TXNDC16: variants seen among roughly 807,000 people sequenced by gnomAD.
TXNDC16 encodes the protein thioredoxin domain containing 16.
In TXNDC16, 74 loss-of-function variants were observed where a neutral mutation model predicts 85.6. That is an observed-to-expected ratio of 0.86 (90% CI 0.72 to 1.05). The LOEUF (loss-of-function observed/expected upper bound fraction) is 1.05, where lower values mean the gene tolerates loss of function less well. TXNDC16 is among the 50% of genes least tolerant of loss of function. TXNDC16 has a pLI of 0.00. For synonymous variants in TXNDC16, 335 were observed against 326.5 expected, an observed-to-expected ratio of 1.03 and a Z score of -0.28; for missense variants, 959 against 947.0, an observed-to-expected ratio of 1.01 and a Z score of -0.17.
intron 9 of TXNDC16, among the ~76,000 whole-genome samples, chr14:52,505,736 A>G (rs1171735402): frequency 6.6e-6 from 1 of 152,154 alleles, no homozygotes; most frequent in African/African-American, 2.4e-5. Flanking sequence ...AGCAGAACTG[A>G]AGGAGAGAGA....
chr14:52,542,480 T>C, intron 3 of TXNDC16, 27 bp from the exon 4 acceptor site: 1 of 1,529,896 alleles, frequency 6.5e-7, no homozygotes, highest in African/African-American at 1.4e-5. Context: ...TTCATGAATG[T>C]TTATGAATTG....
chr14:52,493,193 CTA>C (rs555994196), intron 9 of TXNDC16, among the ~76,000 whole-genome samples: 2,235 of 126,026 alleles, frequency 0.018, 63 homozygotes, highest in Admixed American at 0.037. Flanking sequence ...TGTCACTGTT[CTA>C]TATATATATA....
intron 9 of TXNDC16, among the ~76,000 whole-genome samples, chr14:52,507,799 A>C (rs1566567793): frequency 1.3e-5 from 2 of 152,258 alleles, no homozygotes; most frequent in South Asian, 4.1e-4. Context: ...ATGTGACAAA[A>C]ACAAGAAATT....
At chr14:52,488,218 T>C in intron 12 of TXNDC16, 145 bp downstream of exon 12, 2 of 938,976 alleles carry the variant, frequency 2.1e-6, no homozygotes, top group Admixed American at 2.6e-5. Context: ...CTTGATAAAA[T>C]GTGGTTCCAA....
intron 7 of TXNDC16, among the ~76,000 whole-genome samples, chr14:52,516,319 T>G (rs533561623): frequency 4.6e-5 from 7 of 152,342 alleles, no homozygotes; most frequent in Admixed American, 3.3e-4. Flanking sequence ...TGAAAGCATC[T>G]TAATTTTATT....
At chr14:52,506,289 C>A (rs1308988437) in intron 9 of TXNDC16, among the ~76,000 whole-genome samples, 2 of 152,256 alleles carry the variant, frequency 1.3e-5, no homozygotes, top group South Asian at 2.1e-4. Flanking sequence ...AATTTTAGAC[C>A]AGTATCCCTG....
At position 52,475,060 on chromosome 14, in the gene TXNDC16, G is replaced by A. The variant is rs564685535; in HGVS notation, c.1313-4380C>T. 1.2e-4 allele frequency among the ~76,000 whole-genome samples: 19 copies of A among 152,270 alleles called. 1 individual carries two copies. The highest frequency in any genetic ancestry group is 3.9e-4 in the African/African-American group (16 of 41,552). On this transcript the variant is annotated intron_variant, in intron 14 of 20. Coordinates refer to ENST00000281741, the MANE Select transcript of TXNDC16 (RefSeq NM_020784.3). Reference sequence around the variant, plus strand: ...ACACCCCACCACCGGGGAACCTAAAGGTCTAGATTACGGGAGAAGATTCTG... The same window carrying A: ...ACACCCCACCACCGGGGAACCTAAAAGTCTAGATTACGGGAGAAGATTCTG...
chr14:52,455,974 G>T (rs899490088), intron 17 of TXNDC16, among the ~76,000 whole-genome samples: 1 of 152,122 alleles, frequency 6.6e-6, no homozygotes, highest in Non-Finnish European at 1.5e-5. Flanking sequence ...TTCAAATGAG[G>T]TGTCCCTGAC....
At chr14:52,511,558 A>G (rs1204159472) in intron 8 of TXNDC16, among the ~76,000 whole-genome samples, 168 bp from the exon 9 acceptor site, 1 of 152,174 alleles carries the variant, frequency 6.6e-6, no homozygotes, top group Non-Finnish European at 1.5e-5. Flanking sequence ...CAAAGAAGAT[A>G]TAGAATATTA....
intron 16 of TXNDC16, among the ~76,000 whole-genome samples, chr14:52,466,537 A>C (rs750658389): frequency 2.8e-4 from 43 of 151,946 alleles, no homozygotes; most frequent in Middle Eastern, 3.2e-3. Flanking sequence ...CCTGGAGAAA[A>C]TACAAGCAAA....
intron 6 of TXNDC16, among the ~76,000 whole-genome samples, chr14:52,524,006 A>AT (rs1221364974): frequency 6.6e-6 from 1 of 152,220 alleles, no homozygotes. Context: ...AAGAAAAGCA[A>AT]TTTTTTCTTA....
chr14:52,479,482 A>G (rs1254211931), intron 14 of TXNDC16, among the ~76,000 whole-genome samples: 2 of 152,150 alleles, frequency 1.3e-5, no homozygotes, highest in African/African-American at 4.8e-5. Flanking sequence ...ATACAGAATC[A>G]ATGTACACAA....
At position 52,442,188 on chromosome 14, in the gene TXNDC16, A is replaced by C. The variant is rs1220703238; in HGVS notation, c.1843-1464T>G. Among the ~76,000 whole-genome samples the C allele has an allele frequency of 3.3e-5, 5 of 152,236 alleles. No homozygotes were observed. The South Asian group carries it at 1.0e-3, about 31-fold the overall frequency. On this transcript the variant is annotated intron_variant, in intron 18 of 20. Coordinates refer to ENST00000281741, the MANE Select transcript of TXNDC16 (RefSeq NM_020784.3). ...CAATGCTAATATATTTAGGATTAAA[A>C]ATAGCAATGACATAGAATAATAAAA...
At chr14:52,508,851 G>A (rs1246256765) in intron 9 of TXNDC16, among the ~76,000 whole-genome samples, 1 of 151,362 alleles carries the variant, frequency 6.6e-6, no homozygotes, top group African/African-American at 2.4e-5. Flanking sequence ...CTTACTTATT[G>A]ACAAAAGAAC....
chr14:52,511,290 T>C lies in TXNDC16; in HGVS notation c.706A>G (p.Thr236Ala). 1 of 1,606,486 alleles carries C rather than the reference T, an allele frequency of 6.2e-7. No individual in the cohort carries two copies. The highest frequency in any genetic ancestry group is 8.5e-7 in the Non-Finnish European group (1 of 1,174,940). ...CRRTLMEQPL[T>A]TLNIHLFIKT... ...ATAAACAGGTGAATGTTCAGTGTAG[T>C]CAATGGCTGTTCCATTAGTGTTCTT... The change falls in exon 9 of 21, where the codon ACT (threonine) becomes GCT (alanine). Residue 236 changes from threonine to alanine, a missense_variant. Physicochemically the swap from Thr to Ala is moderately conservative, Grantham distance 58. Transcript: ENST00000281741.
At chr14:52,452,078 A>G (rs1302401900) in intron 18 of TXNDC16, among the ~76,000 whole-genome samples, 1 of 152,204 alleles carries the variant, frequency 6.6e-6, no homozygotes, top group Non-Finnish European at 1.5e-5. Context: ...AAGTAATCCT[A>G]TTTACAATAG....
rs543993885 is a variant in TXNDC16, at chr14:52,530,628, TAC to T, written c.392+6089_392+6090del. Among the ~76,000 whole-genome samples the T allele has an allele frequency of 3.5e-3, 374 of 106,752 alleles. 6 individuals carry two copies. Among genetic ancestry groups the T allele is most frequent in the African/African-American group, 0.013 (354 of 27,906 alleles). 70.0% of individuals were successfully genotyped at this position (106,752 alleles called of 152,430 possible). The stretch of plus-strand genomic sequence containing the variant: ...TGTAGTATATATATGTGTGTGTATA[TAC>T]ATATATATAAAAAATACCTAGGTAT... On this transcript the variant is annotated intron_variant, in intron 6 of 20. Coordinates refer to ENST00000281741, the MANE Select transcript of TXNDC16 (RefSeq NM_020784.3).
chr14:52,438,376 C>A lies in TXNDC16; in HGVS notation c.2194+828G>T, dbSNP rs538261246. Among the ~76,000 whole-genome samples, 4 of 152,214 alleles carry A rather than the reference C, an allele frequency of 2.6e-5. No individual in the cohort carries two copies. The South Asian group carries it at 8.3e-4, about 32-fold the overall frequency. On this transcript the variant is annotated intron_variant, in intron 20 of 20. Transcript: ENST00000281741. ...TCTTATTGTAAGAAATTGCCACAGC[C>A]CAAACTTCAGCACTTCAGCAACTAC...
chr14:52,491,499 C>T (rs779636224), intron 9 of TXNDC16, among the ~76,000 whole-genome samples: 2 of 151,522 alleles, frequency 1.3e-5, no homozygotes, highest in East Asian at 1.9e-4. Context: ...TGCCTGGCCC[C>T]CTATAAGTTT....
Sources: allele counts gnomAD v4.1 joint callset (sites outside exome capture counted in the v4.1 genomes callset), GRCh38; gene constraint gnomAD v4.1.1; transcripts MANE v1.5; gene names NCBI Gene and HGNC (gene_info 2026-07-23, HGNC 2026-07-21).